PTPRD: variants seen among roughly 807,000 people sequenced by gnomAD.
PTPRD encodes the protein protein tyrosine phosphatase receptor type D, also known as receptor-type tyrosine-protein phosphatase delta.
A neutral mutation model predicts 214.5 loss-of-function variants in PTPRD; 34 were observed. The observed-to-expected ratio is 0.16, with a 90% CI of 0.12 to 0.21. PTPRD has a LOEUF of 0.21. PTPRD is among the 10% of genes least tolerant of loss of function. The pLI is 1.00. For synonymous variants in PTPRD, 1,128 were observed against 845.7 expected (o/e 1.33, Z -5.79); for missense variants, 2,545 against 2,398.7 (o/e 1.06, Z -1.27).
At chr9:10,182,580 T>A (rs1429668327) in intron 3 of PTPRD, among the ~76,000 whole-genome samples, 1 of 152,042 alleles carries the variant, frequency 6.6e-6, no homozygotes, top group African/African-American at 2.4e-5. Context: ...AATACAAAAA[T>A]TCACAGAGGG....
intron 8 of PTPRD, among the ~76,000 whole-genome samples, chr9:9,427,945 C>T (rs2081608367): frequency 6.6e-6 from 1 of 152,178 alleles, no homozygotes; most frequent in Non-Finnish European, 1.5e-5. Flanking sequence ...CCGTTACCAG[C>T]CACTGCAAAG....
At chr9:8,678,124 G>C (rs1355575097) in intron 12 of PTPRD, among the ~76,000 whole-genome samples, 1 of 152,154 alleles carries the variant, frequency 6.6e-6, no homozygotes, top group Non-Finnish European at 1.5e-5. Flanking sequence ...TTATATTTTT[G>C]AAAGTTTTGA....
intron 6 of PTPRD, among the ~76,000 whole-genome samples, chr9:9,763,974 C>T (rs1488705205): frequency 6.6e-6 from 1 of 151,916 alleles, no homozygotes; most frequent in Non-Finnish European, 1.5e-5. Flanking sequence ...GGTGTCAACC[C>T]CTCCAAGAAG....
intron 3 of PTPRD, among the ~76,000 whole-genome samples, chr9:10,238,416 T>C (rs549545410): frequency 6.6e-6 from 1 of 152,054 alleles, no homozygotes; most frequent in South Asian, 2.1e-4. Context: ...GAACAATATG[T>C]AACATTTCTC....
chr9:9,392,043 A>G (rs889059750), intron 9 of PTPRD, among the ~76,000 whole-genome samples: 2 of 152,168 alleles, frequency 1.3e-5, no homozygotes, highest in African/African-American at 4.8e-5. Flanking sequence ...GGAAAGTACC[A>G]AATTTATAGT....
At chr9:8,733,673 A>G in intron 12 of PTPRD, 107 bp downstream of exon 12, 2 of 1,189,276 alleles carry the variant, frequency 1.7e-6, no homozygotes, top group Non-Finnish European at 2.4e-6. Context: ...GTGTCTCAGG[A>G]TTTACTTCCA....
chr9:8,965,948 T>C (rs1434853671), intron 11 of PTPRD, among the ~76,000 whole-genome samples: 2 of 152,202 alleles, frequency 1.3e-5, no homozygotes, highest in Admixed American at 6.5e-5. Flanking sequence ...GGTTTCAGAA[T>C]ACAAAATCAA....
intron 2 of PTPRD, among the ~76,000 whole-genome samples, chr9:10,464,247 T>C (rs1053006856): frequency 6.6e-6 from 1 of 151,812 alleles, no homozygotes; most frequent in Non-Finnish European, 1.5e-5. Flanking sequence ...AAAAAAAATT[T>C]TAAATGCAAA....
At chr9:9,144,216 C>T (rs375649907) in intron 10 of PTPRD, among the ~76,000 whole-genome samples, 2 of 152,288 alleles carry the variant, frequency 1.3e-5, no homozygotes, top group South Asian at 4.1e-4. Context: ...TGTGACAAAA[C>T]CCTGAGTTGA....
At chr9:8,432,819 G>C (rs548681545) in intron 35 of PTPRD, among the ~76,000 whole-genome samples, 1 of 152,268 alleles carries the variant, frequency 6.6e-6, no homozygotes, top group African/African-American at 2.4e-5. Flanking sequence ...TGCCCAGGGA[G>C]CTTTAATCAT....
At chr9:9,941,483 T>C (rs2091435487) in intron 4 of PTPRD, among the ~76,000 whole-genome samples, 1 of 152,040 alleles carries the variant, frequency 6.6e-6, no homozygotes. Context: ...GCACCACGCC[T>C]GGGTAATTTT....
intron 12 of PTPRD, among the ~76,000 whole-genome samples, chr9:8,719,293 C>A (rs2098467368): frequency 6.6e-6 from 1 of 152,186 alleles, no homozygotes; most frequent in South Asian, 2.1e-4. Flanking sequence ...ACATGCAAAG[C>A]TTTTTCTGCA....
chr9:10,529,632 G>T (rs1297117641), intron 2 of PTPRD, among the ~76,000 whole-genome samples: 1 of 151,646 alleles, frequency 6.6e-6, no homozygotes, highest in African/African-American at 2.4e-5. Context: ...ATGGCTTGAT[G>T]GGTGCAGCAA....
At chr9:9,859,218 C>T (rs2062169806) in intron 5 of PTPRD, among the ~76,000 whole-genome samples, 1 of 152,174 alleles carries the variant, frequency 6.6e-6, no homozygotes. Context: ...GCTTCCCCAG[C>T]CATGTAGAAC....
intron 9 of PTPRD, among the ~76,000 whole-genome samples, chr9:9,235,055 T>C (rs746133547): frequency 1.5e-4 from 23 of 152,056 alleles, no homozygotes; most frequent in Non-Finnish European, 2.8e-4. Context: ...AGAAAAGAGG[T>C]TTAATTGACT....
intron 11 of PTPRD, among the ~76,000 whole-genome samples, chr9:8,964,346 G>C (rs138825930): frequency 6.6e-6 from 1 of 151,690 alleles, no homozygotes; most frequent in African/African-American, 2.4e-5. Flanking sequence ...CATGTCCATA[G>C]AGTTGTTCAT....
At chr9:8,470,881 G>T in intron 31 of PTPRD, 114 bp downstream of exon 31, 1 of 847,508 alleles carries the variant, frequency 1.2e-6, no homozygotes, top group Non-Finnish European at 2.0e-6. Flanking sequence ...CAACCAGCTA[G>T]GTATGGAGAA....
chr9:8,791,651 CA>C (rs750519179), intron 11 of PTPRD, among the ~76,000 whole-genome samples: 40 of 150,074 alleles, frequency 2.7e-4, no homozygotes, highest in Admixed American at 5.4e-4. Context: ...GAGAGAAATC[CA>C]AAGGAATTTC....
intron 7 of PTPRD, among the ~76,000 whole-genome samples, chr9:9,720,018 G>C (rs1036104044): frequency 1.3e-5 from 2 of 152,152 alleles, no homozygotes; most frequent in African/African-American, 4.8e-5. Context: ...ACCCTTGGCA[G>C]GCATGGGATC....
Sources: gnomAD v4.1 joint callset for allele counts (sites outside exome capture counted in the v4.1 genomes callset) on GRCh38, gnomAD v4.1.1 for gene constraint, MANE v1.5 for transcripts, NCBI Gene and HGNC (gene_info 2026-07-23, HGNC 2026-07-21) for gene names.